The following THRB variants were observed in gnomAD, a reference collection of about 807,000 sequenced individuals.
The protein encoded by THRB is thyroid hormone receptor beta.
Under a neutral mutation model 47.8 loss-of-function variants are expected in THRB, and 12 were observed. That is an observed-to-expected ratio of 0.25 (90% CI 0.16 to 0.41). The LOEUF is 0.41. Ranked by LOEUF, THRB falls within the 10% of genes least tolerant of loss-of-function variation. THRB has a pLI of 1.00. For missense variants in THRB, 348 were observed against 589.2 expected, an observed-to-expected ratio of 0.59 and a Z score of 4.24; for synonymous variants, 218 against 212.2, an observed-to-expected ratio of 1.03 and a Z score of -0.24.
intron 1 of THRB, among the ~76,000 whole-genome samples, chr3:24,434,929 A>G (rs982595052): frequency 2.6e-5 from 4 of 152,202 alleles, no homozygotes; most frequent in Admixed American, 6.5e-5. Flanking sequence ...TGTAGCATTC[A>G]GCAATTAAAG....
At chr3:24,334,351 T>C (rs895897540) in intron 2 of THRB, among the ~76,000 whole-genome samples, 2 of 152,136 alleles carry the variant, frequency 1.3e-5, no homozygotes. Context: ...TTATAGGGCA[T>C]TTAAAAAGCA....
At chr3:24,490,239 G>T (rs1051699702) in intron 1 of THRB, among the ~76,000 whole-genome samples, 3 of 152,178 alleles carry the variant, frequency 2.0e-5, no homozygotes, top group African/African-American at 7.2e-5. Context: ...CAAAGAATCA[G>T]AATGACTTTA....
At chr3:24,391,620 C>T (rs2066574258) in intron 1 of THRB, among the ~76,000 whole-genome samples, 1 of 152,140 alleles carries the variant, frequency 6.6e-6, no homozygotes, top group African/African-American at 2.4e-5. Context: ...TACGTATAAA[C>T]AGGGCATTCA....
intron 1 of THRB, among the ~76,000 whole-genome samples, chr3:24,362,324 C>A (rs997403883): frequency 1.3e-5 from 2 of 152,116 alleles, no homozygotes; most frequent in African/African-American, 2.4e-5. Context: ...TCCATTCCAT[C>A]TGGCCTAATG....
intron 1 of THRB, chr3:24,348,923 C>A (rs1191265829): frequency 6.6e-6 from 1 of 152,082 alleles, no homozygotes; most frequent in African/African-American, 2.4e-5. Context: ...AGAGATAAAA[C>A]TGTGGTTATT....
At chr3:24,271,901 G>A (rs941419561) in intron 3 of THRB, among the ~76,000 whole-genome samples, 4 of 152,150 alleles carry the variant, frequency 2.6e-5, no homozygotes, top group African/African-American at 9.7e-5. Flanking sequence ...AAATGATGTA[G>A]AGAAAAGGAT....
chr3:24,138,818 C>T (rs1033514456), intron 8 of THRB, among the ~76,000 whole-genome samples: 3 of 152,170 alleles, frequency 2.0e-5, no homozygotes, highest in Admixed American at 1.3e-4. Context: ...CAGACAGTAT[C>T]TCTGCCAGGG....
intron 3 of THRB, among the ~76,000 whole-genome samples, chr3:24,240,681 T>C (rs925090011): frequency 1.3e-5 from 2 of 152,196 alleles, no homozygotes; most frequent in Admixed American, 6.5e-5. Flanking sequence ...CTAGTGTCTT[T>C]CAAACTTTGG....
At chr3:24,169,771 C>A (rs1337196651) in intron 5 of THRB, among the ~76,000 whole-genome samples, 1 of 146,452 alleles carries the variant, frequency 6.8e-6, no homozygotes, top group Admixed American at 6.9e-5. Context: ...GGTCAGCAAT[C>A]TTCAGCCTGT....
intron 1 of THRB, among the ~76,000 whole-genome samples, chr3:24,393,835 G>A (rs565077223): frequency 1.2e-3 from 179 of 152,134 alleles, no homozygotes; most frequent in Non-Finnish European, 1.5e-3. Flanking sequence ...TGTGTCCAGT[G>A]GTAAATCCAA....
intron 1 of THRB, among the ~76,000 whole-genome samples, chr3:24,413,361 A>G (rs1016949925): frequency 1.3e-5 from 2 of 151,852 alleles, no homozygotes; most frequent in Admixed American, 6.6e-5. Flanking sequence ...ATATGTCCAC[A>G]TTCTAATCCT....
intron 5 of THRB, among the ~76,000 whole-genome samples, chr3:24,184,480 G>A: frequency 6.6e-6 from 1 of 152,172 alleles, no homozygotes; most frequent in East Asian, 1.9e-4. Context: ...CCAGGGCCTT[G>A]AATTTCTGAT....
intron 1 of THRB, among the ~76,000 whole-genome samples, chr3:24,376,695 C>T (rs2065318580): frequency 6.6e-6 from 1 of 152,074 alleles, no homozygotes; most frequent in South Asian, 2.1e-4. Context: ...AAATAAAGAT[C>T]ACTCTAGATT....
chr3:24,213,689 A>G (rs2149892978), intron 4 of THRB, among the ~76,000 whole-genome samples: 1 of 152,318 alleles, frequency 6.6e-6, no homozygotes, highest in South Asian at 2.1e-4. Context: ...AAGGGATTTA[A>G]AAAATTAATG....
chr3:24,228,921 T>C lies in THRB; in HGVS notation c.22+17A>G. 1 of 1,222,082 alleles carries C rather than the reference T, an allele frequency of 8.2e-7. No homozygotes were observed. 75.7% of individuals were successfully genotyped at this position (1,222,082 alleles called of 1,614,324 possible). A position where few individuals can be genotyped will look rare whatever the true frequency, so the allele number is the denominator to read the frequency against. ...AAAATGGAGGCACACAAAGAAAATG[T>C]AAAAAAAAAAAGATACCTGTCATAC... On this transcript the variant is annotated intron_variant, in intron 4 of 10. Coordinates refer to ENST00000646209, the MANE Select transcript of THRB (RefSeq NM_001354712.2).
chr3:24,357,032 T>C (rs1395561704), intron 1 of THRB, among the ~76,000 whole-genome samples: 3 of 151,814 alleles, frequency 2.0e-5, no homozygotes, highest in Admixed American at 6.6e-5. Context: ...CTAGCCATGA[T>C]TCTCGGTGAC....
At chr3:24,370,026 A>C (rs2064785022) in intron 1 of THRB, among the ~76,000 whole-genome samples, 1 of 152,022 alleles carries the variant, frequency 6.6e-6, no homozygotes, top group African/African-American at 2.4e-5. Flanking sequence ...TAAGTATTAA[A>C]AGATGCTAGT....
intron 8 of THRB, 69 bp downstream of exon 8, chr3:24,143,432 A>T: frequency 2.8e-6 from 4 of 1,451,200 alleles, no homozygotes; most frequent in Non-Finnish European, 3.9e-6. Context: ...CAAGGTGATG[A>T]GGACTGAATA....
At chr3:24,361,190 C>T (rs927612503) in intron 1 of THRB, among the ~76,000 whole-genome samples, 1 of 152,162 alleles carries the variant, frequency 6.6e-6, no homozygotes, top group East Asian at 1.9e-4. Context: ...TGAGCATACA[C>T]TTGTAAAGGG....
Sources: allele counts gnomAD v4.1 joint callset (sites outside exome capture counted in the v4.1 genomes callset), GRCh38; gene constraint gnomAD v4.1.1; transcripts MANE v1.5; gene names NCBI Gene and HGNC (gene_info 2026-07-23, HGNC 2026-07-21).